Variants in RFX8 observed in about 807,000 individuals in gnomAD.
RFX8 encodes DNA-binding protein RFX8.
A neutral mutation model predicts 54.6 loss-of-function variants in RFX8; 46 were observed. That is an observed-to-expected ratio of 0.84 (90% confidence interval 0.67 to 1.08). The LOEUF is 1.08. Ranked by LOEUF, RFX8 falls within the 50% of genes least tolerant of loss-of-function variation. The pLI, the probability that RFX8 is intolerant of heterozygous loss-of-function variation, is 0.00. For synonymous variants in RFX8, 192 were observed against 209.5 expected (o/e 0.92, Z 0.72); for missense variants, 536 against 562.3 (o/e 0.95, Z 0.47).
chr2:101,460,803 T>C (rs550026425), intron 2 of RFX8, among the ~76,000 whole-genome samples: 5 of 151,600 alleles, frequency 3.3e-5, no homozygotes, highest in Admixed American at 2.6e-4. Flanking sequence ...GAACCATTTT[T>C]CCTCTTTTCT....
chr2:101,444,704 T>TGAAAAATACAATAACTAGAG (rs1218587760), intron 2 of RFX8, among the ~76,000 whole-genome samples: 2 of 152,130 alleles, frequency 1.3e-5, no homozygotes, highest in Non-Finnish European at 2.9e-5. Context: ...ATTATGCAAC[T>TGAAAAATACAATAACTAGAG]GAAAAATACA....
chr2:101,469,058 ATATATATG>A (rs1218283350), intron 1 of RFX8, among the ~76,000 whole-genome samples: 2 of 14,878 alleles, frequency 1.3e-4, no homozygotes, highest in African/African-American at 5.6e-4. Flanking sequence ...ATATATACGT[ATATATATG>A]TATATATATA....
chr2:101,436,380 T>G (rs1436753755), intron 2 of RFX8, among the ~76,000 whole-genome samples: 1 of 152,074 alleles, frequency 6.6e-6, no homozygotes, highest in African/African-American at 2.4e-5. Context: ...AAAGAAGAGA[T>G]AAAGACAATT....
At position 101,402,854 on chromosome 2, in the gene RFX8, T is replaced by C. The variant is rs556503890; in HGVS notation, c.929-102A>G. 1.6e-5 allele frequency: 17 copies of C among 1,058,574 alleles called. No homozygotes were observed. In the African/African-American group the frequency reaches 1.8e-4, roughly 11 times the overall value. 65.6% of individuals were successfully genotyped at this position (1,058,574 alleles called of 1,614,324 possible). A position where few individuals can be genotyped will look rare whatever the true frequency, so the allele number is the denominator to read the frequency against. ...TTTCTGGGGCTAACACCTGTGTACG[T>C]GAGCCTCGTTCCAATAGCTTACCCA... On this transcript the variant is annotated intron_variant, in intron 10 of 11. Transcript: ENST00000428343.
rs1452873406 is a variant in RFX8, at chr2:101,397,469, A to C, written c.*79T>G. 3.2e-6 allele frequency: 3 copies of C among 933,928 alleles called. No homozygotes were observed. The highest frequency in any genetic ancestry group is 4.7e-6 in the Non-Finnish European group (3 of 642,846). The allele number at this position is 933,928 out of a possible 1,614,324, so 57.9% of individuals were successfully genotyped here. A position where few individuals can be genotyped will look rare whatever the true frequency, so the allele number is the denominator to read the frequency against. Reference sequence around the variant, plus strand: ...TATATACATAACATCATCTTTCGTCAATAGAAAAACTTTAGTATTTAATAT... The same window carrying C: ...TATATACATAACATCATCTTTCGTCCATAGAAAAACTTTAGTATTTAATAT... On this transcript the variant is annotated 3_prime_UTR_variant, in exon 12 of 12. Transcript: ENST00000428343.
intron 2 of RFX8, among the ~76,000 whole-genome samples, chr2:101,423,412 C>T (rs1686983623): frequency 6.6e-6 from 1 of 152,132 alleles, no homozygotes; most frequent in Non-Finnish European, 1.5e-5. Context: ...TCCTCCTGGT[C>T]TGAATAAAGG....
At chr2:101,402,075 G>A (rs372172495) in intron 11 of RFX8, among the ~76,000 whole-genome samples, 8 of 152,226 alleles carry the variant, frequency 5.3e-5, no homozygotes, top group African/African-American at 1.2e-4. Context: ...ACTATTCGAC[G>A]TTTCCGTCTT....
At chr2:101,426,796 C>G (rs2104598680) in intron 2 of RFX8, among the ~76,000 whole-genome samples, 1 of 152,318 alleles carries the variant, frequency 6.6e-6, no homozygotes, top group African/African-American at 2.4e-5. Context: ...TCTGCCTCCC[C>G]TGGGTTACTC....
chr2:101,449,867 G>A lies in RFX8; in HGVS notation c.72+16910C>T, dbSNP rs986133810. On this transcript the variant is annotated intron_variant, in intron 2 of 11. Coordinates refer to ENST00000428343, the MANE Select transcript of RFX8 (RefSeq NM_001145664.2). Reference sequence around the variant, plus strand: ...CTAAGCTTAATGGAGAAGGGAAAGAGCAGGAGACCAAGGATTCAGGGCTGG... The same window carrying A: ...CTAAGCTTAATGGAGAAGGGAAAGAACAGGAGACCAAGGATTCAGGGCTGG... Among the ~76,000 whole-genome samples the A allele has an allele frequency of 2.6e-5, 4 of 152,236 alleles. No homozygotes were observed. The South Asian group carries it at 8.3e-4, about 32-fold the overall frequency.
At chr2:101,469,064 ATGTATATATATATAAG>A (rs1558896539) in intron 1 of RFX8, among the ~76,000 whole-genome samples, 526 of 20,778 alleles carry the variant, frequency 0.025, 37 homozygotes, top group African/African-American at 0.099. Flanking sequence ...ACGTATATAT[ATGTATATATATATAAG>A]TGTATATATA....
chr2:101,466,810 A>G lies in RFX8; in HGVS notation c.39T>C (p.Thr13=). 6.4e-7 allele frequency: 1 copy of G among 1,551,654 alleles called. No individual in the cohort carries two copies. Among genetic ancestry groups the G allele is most frequent in the South Asian group, 1.2e-5 (1 of 84,066 alleles). Residue 13 remains threonine (T), a synonymous_variant, in exon 2 of 12, where the codon ACT becomes ACC. Transcript: ENST00000428343. The stretch of plus-strand genomic sequence containing the variant: ...AGGTGGCCGGGTTGACTTGGTTCTC[A>G]GTGTTTTGCCCACAGGTCTCCACGT... The part of the protein sequence containing the change: ...EIYVETCGQN[T]ENQVNPATFG...
At chr2:101,433,568 C>T (rs1196568398) in intron 2 of RFX8, among the ~76,000 whole-genome samples, 1 of 152,110 alleles carries the variant, frequency 6.6e-6, no homozygotes, top group East Asian at 1.9e-4. Context: ...TGCTTTTTGG[C>T]ATTAACTTTT....
At position 101,405,968 on chromosome 2, in the gene RFX8, C is replaced by A. The variant is rs1447094750; in HGVS notation, c.903G>T (p.Met301Ile). Residue 301 changes from methionine (M) to isoleucine (I), a missense_variant, in exon 10 of 12, where the codon ATG becomes ATT. Met to Ile is a conservative substitution (Grantham distance 10). Transcript: ENST00000428343. ...NLLLTAVSKA[M>I]TLCHRDSFGS... ...CAAAACTATCTCTGTGGCAGAGGGT[C>A]ATGGCTTTGCTTACAGCAGTGAGAA... 7.1e-6 allele frequency: 11 copies of A among 1,545,280 alleles called. No individual in the cohort carries two copies. Among genetic ancestry groups the A allele is most frequent in the Non-Finnish European group, 9.6e-6 (11 of 1,144,046 alleles).
At chr2:101,415,390 G>T (rs1252824410) in intron 6 of RFX8, among the ~76,000 whole-genome samples, 1 of 152,220 alleles carries the variant, frequency 6.6e-6, no homozygotes. Context: ...ATCTGCTGGT[G>T]CCTTGATCTT....
At chr2:101,401,854 G>A (rs1372655265) in intron 11 of RFX8, among the ~76,000 whole-genome samples, 1 of 152,116 alleles carries the variant, frequency 6.6e-6, no homozygotes, top group Non-Finnish European at 1.5e-5. Context: ...TTTCCTTGCT[G>A]TGTGACTTTG....
Position 101,397,656 on chromosome 2 carries a change from T to C in RFX8, c.1314A>G (p.Gln438=), listed in dbSNP as rs1287127163. The change falls in exon 12 of 12, where the codon CAA becomes CAG. Residue 438 remains glutamine (Q), a synonymous_variant. Coordinates refer to ENST00000428343, the MANE Select transcript of RFX8 (RefSeq NM_001145664.2). Reference sequence around the variant, plus strand: ...CATCTTTTAGGGTTATGAGGGCTTCTTGTCCCATAGGAAGGCTGAGTTTAA... The same window carrying C: ...CATCTTTTAGGGTTATGAGGGCTTCCTGTCCCATAGGAAGGCTGAGTTTAA... The part of the protein sequence containing the change: ...SAVKLSLPMG[Q]EALITLKDGQ... The C allele has an allele frequency of 1.9e-6, 3 of 1,551,416 alleles. No homozygotes were observed. In the African/African-American group the frequency reaches 4.1e-5, roughly 21 times the overall value.
In RFX8 at chr2:101,458,453, T is replaced by C. The variant is rs530997771; in HGVS notation, c.72+8324A>G. Among the ~76,000 whole-genome samples, 16 of 152,336 alleles carry C rather than the reference T, an allele frequency of 1.1e-4. 1 individual carries two copies. In the South Asian group the frequency reaches 1.7e-3, roughly 16 times the overall value. ...TTGCTTGTCTGTAAAGGATTTTATT[T>C]CTCCTTCACTTATGAAGCTGAGTTT... On this transcript the variant is annotated intron_variant, in intron 2 of 11. Coordinates refer to ENST00000428343, the MANE Select transcript of RFX8 (RefSeq NM_001145664.2).
At chr2:101,474,309 C>G (rs1490666159) in intron 1 of RFX8, 12 of 469,420 alleles carry the variant, frequency 2.6e-5, no homozygotes, top group Non-Finnish European at 4.1e-5. Context: ...CCGAGGCAGG[C>G]AGCGAGCGGC....
chr2:101,451,334 T>C (rs1403794488), intron 2 of RFX8, among the ~76,000 whole-genome samples: 1 of 152,194 alleles, frequency 6.6e-6, no homozygotes, highest in Non-Finnish European at 1.5e-5. Context: ...GCAATAATAA[T>C]TGAGTGACAA....
Sources: allele counts gnomAD v4.1 joint callset (sites outside exome capture counted in the v4.1 genomes callset), GRCh38; gene constraint gnomAD v4.1.1; transcripts MANE v1.5; gene names NCBI Gene and HGNC (gene_info 2026-07-23, HGNC 2026-07-21).